COPS2: variants seen among roughly 807,000 people sequenced by gnomAD.
The protein encoded by COPS2 is COP9 signalosome subunit 2, also known as COP9 signalosome complex subunit 2.
Under a neutral mutation model 66.1 loss-of-function variants are expected in COPS2, and 10 were observed. The ratio of observed to expected loss-of-function variants is 0.15; its 90% CI spans 0.09 to 0.26. The LOEUF is 0.26. Among genes scored for constraint, COPS2 ranks in the 10% least tolerant of loss-of-function variants. The pLI is 1.00. For missense variants in COPS2, 215 were observed against 513.3 expected, an observed-to-expected ratio of 0.42 and a Z score of 5.62; for synonymous variants, 179 against 171.3, an observed-to-expected ratio of 1.04 and a Z score of -0.35.
chr15:49,149,047 C>T lies in COPS2; in HGVS notation c.55-3969G>A, dbSNP rs188904015. On this transcript the variant is annotated intron_variant, in intron 1 of 12. Coordinates refer to ENST00000388901, the MANE Select transcript of COPS2 (RefSeq NM_004236.4). ...AATTTTAATTAGTATATAAAGAATG[C>T]TTTAAAAACAAATGAAGAGGTTAAG... Among the ~76,000 whole-genome samples the T allele has an allele frequency of 2.3e-3, 347 of 152,090 alleles. 2 individuals carry two copies. The highest frequency in any genetic ancestry group is 3.1e-3 in the Non-Finnish European group (213 of 67,974).
chr15:49,136,908 CAGCCCAGGAGGTAAAGGTTGCAGTG>C (rs1215172668), intron 6 of COPS2, among the ~76,000 whole-genome samples: 1 of 151,830 alleles, frequency 6.6e-6, no homozygotes, highest in Non-Finnish European at 1.5e-5. Context: ...AAGACTGCTT[CAGCCCAGGAGGTAAAGGTTGCAGTG>C]AGCCAAGATC....
chr15:49,137,034 A>T, intron 6 of COPS2, 116 bp downstream of exon 6: 1 of 676,596 alleles, frequency 1.5e-6, no homozygotes, highest in Non-Finnish European at 2.4e-6. Context: ...TCTAAATTTT[A>T]TTTTTCAGAT....
rs375715723 is a variant in COPS2 at position 49,126,794 on chromosome 15, A to T, written c.*1156T>A. 2.0e-5 allele frequency: 3 copies of T among 152,138 alleles called. No individual in the cohort carries two copies. In the South Asian group the frequency reaches 6.2e-4, roughly 31 times the overall value. The allele number at this position is 152,138 out of a possible 1,614,324, so 9.4% of individuals were successfully genotyped here. On this transcript the variant is annotated 3_prime_UTR_variant, in exon 13 of 13. Transcript: ENST00000388901. ...CTGCATTACCTCAAAGTTAGGTGGAAGTTTTGGAAACTTTCATTTGGTGCC... is the reference window on the plus strand; with the variant it reads ...CTGCATTACCTCAAAGTTAGGTGGATGTTTTGGAAACTTTCATTTGGTGCC...
In COPS2 at chr15:49,148,202, G is replaced by A. The variant is rs531014059; in HGVS notation, c.55-3124C>T. On this transcript the variant is annotated intron_variant, in intron 1 of 12. Coordinates refer to ENST00000388901, the MANE Select transcript of COPS2 (RefSeq NM_004236.4). ...AAATCATGATCTTTAATATATGCCA[G>A]CAATTAATTATTGCTCACAGAAATC... 1.2e-4 allele frequency among the ~76,000 whole-genome samples: 18 copies of A among 152,272 alleles called. No individual in the cohort carries two copies. The East Asian group carries it at 3.5e-3, about 29-fold the overall frequency.
Position 49,155,535 on chromosome 15 carries a change from T to A in COPS2, c.44A>T (p.Asp15Val), listed in dbSNP as rs1243867053. The A allele has an allele frequency of 6.2e-7, 1 of 1,614,080 alleles. No individual in the cohort carries two copies. Among genetic ancestry groups the A allele is most frequent in the Non-Finnish European group, 8.5e-7 (1 of 1,179,974 alleles). The change falls in exon 1 of 13, where the codon GAC becomes GTC. Residue 15 changes from aspartate to valine, a missense_variant. By Grantham distance (152) the Asp-to-Val change is radical. Coordinates refer to ENST00000388901, the MANE Select transcript of COPS2 (RefSeq NM_004236.4). ...EDDFMCDDEE[D>V]YDLEYSEDSN... Reference sequence around the variant, plus strand: ...TTCCCTGCGCCTCACCAGGTCGTAGTCCTCCTCATCATCGCACATGAAATC... The same window carrying A: ...TTCCCTGCGCCTCACCAGGTCGTAGACCTCCTCATCATCGCACATGAAATC...
intron 2 of COPS2, among the ~76,000 whole-genome samples, 181 bp from the exon 3 acceptor site, chr15:49,144,485 A>G (rs76262696): frequency 2.8e-4 from 42 of 152,336 alleles, no homozygotes; most frequent in African/African-American, 6.3e-4. Context: ...TAAGATGCCT[A>G]CATAAGGATA....
intron 1 of COPS2, among the ~76,000 whole-genome samples, chr15:49,150,277 A>AAAT (rs1566886738): frequency 2.8e-4 from 43 of 150,998 alleles, no homozygotes; most frequent in African/African-American, 8.5e-4. Flanking sequence ...TAAAAATAAA[A>AAAT]AAATAAATAA....
chr15:49,139,341 T>C (rs956758878), intron 4 of COPS2, 187 bp downstream of exon 4: 3 of 496,948 alleles, frequency 6.0e-6, no homozygotes, highest in African/African-American at 4.0e-5. Flanking sequence ...GCTGGAGTTA[T>C]TACCTTTTAC....
Position 49,126,397 on chromosome 15 carries a change from T to G in COPS2, c.*1553A>C, listed in dbSNP as rs1438306005. 6.6e-6 allele frequency: 1 copy of G among 152,400 alleles called. No homozygotes were observed. 9.4% of individuals were successfully genotyped at this position (152,400 alleles called of 1,614,324 possible). On this transcript the variant is annotated 3_prime_UTR_variant, in exon 13 of 13. Coordinates refer to ENST00000388901, the MANE Select transcript of COPS2 (RefSeq NM_004236.4). ...TTTGACAAAACCGAATAAGCATGCC[T>G]TGTTTTAAGTCCATGCTCCTTCCAC... is the stretch of plus-strand genomic sequence containing the variant.
intron 9 of COPS2, among the ~76,000 whole-genome samples, chr15:49,132,825 C>T (rs938290637): frequency 5.9e-5 from 9 of 151,962 alleles, no homozygotes; most frequent in African/African-American, 2.2e-4. Flanking sequence ...TTGGTCTTAT[C>T]TTCCATAATT....
Position 49,133,789 on chromosome 15 carries a change from G to T in COPS2, c.917C>A (p.Pro306Gln). The T allele has an allele frequency of 6.2e-7, 1 of 1,601,184 alleles. No homozygotes were observed. The highest frequency in any genetic ancestry group is 1.3e-5 in the African/African-American group (1 of 74,202). ...SQEAKPYKNDPEILAMTNLVS... is the reference protein window; with the variant it reads ...SQEAKPYKNDQEILAMTNLVS... ...TAAATTCGTCATTGCTAAAATTTCT[G>T]GATCATTTTTGTACGGCTTGGCCTA... The change falls in exon 9 of 13, where the codon CCA becomes CAA. Residue 306 changes from proline to glutamine, a missense_variant. Physicochemically the swap from Pro to Gln is moderately conservative, Grantham distance 76. This residue lies in a region of COPS2 where 56 missense variants were observed against 173.6 expected (regional missense o/e 0.32). Coordinates refer to ENST00000388901, the MANE Select transcript of COPS2 (RefSeq NM_004236.4).
rs1406772907 is a variant in COPS2 at position 49,125,001 on chromosome 15, T to G, written c.*2949A>C. On this transcript the variant is annotated 3_prime_UTR_variant, in exon 13 of 13. Transcript: ENST00000388901. ...TTACTGAAGAACTGTAACTATTGAT[T>G]AAAAAAGAAAATTTCCCACAAAATT... 1 of 152,098 alleles carries G rather than the reference T, an allele frequency of 6.6e-6. No homozygotes were observed. Among genetic ancestry groups the G allele is most frequent in the Non-Finnish European group, 1.5e-5 (1 of 67,988 alleles). 9.4% of individuals were successfully genotyped at this position (152,098 alleles called of 1,614,324 possible). A position where few individuals can be genotyped will look rare whatever the true frequency, so the allele number is the denominator to read the frequency against.
At chr15:49,146,149 A>T (rs1595825199) in intron 1 of COPS2, among the ~76,000 whole-genome samples, 1 of 152,290 alleles carries the variant, frequency 6.6e-6, no homozygotes, top group African/African-American at 2.4e-5. Flanking sequence ...AAAATACATT[A>T]ACACAAGATG....
At chr15:49,140,160 A>ATT (rs879828608) in intron 3 of COPS2, among the ~76,000 whole-genome samples, 18 of 138,668 alleles carry the variant, frequency 1.3e-4, no homozygotes, top group African/African-American at 4.0e-4. Flanking sequence ...CTAATTTTGT[A>ATT]TTTTTTTTTT....
At chr15:49,135,623 T>A (rs946142920) in intron 6 of COPS2, among the ~76,000 whole-genome samples, 1 of 152,140 alleles carries the variant, frequency 6.6e-6, no homozygotes, top group African/African-American at 2.4e-5. Context: ...ATGTGGGCCA[T>A]GAAAAATAGC....
intron 3 of COPS2, among the ~76,000 whole-genome samples, chr15:49,142,047 T>C (rs77330379): frequency 3.3e-5 from 5 of 152,218 alleles, no homozygotes; most frequent in African/African-American, 9.6e-5. Flanking sequence ...CTTGAAACAC[T>C]TGGTGCTTCT....
chr15:49,123,650 C>T lies in COPS2; in HGVS notation c.*4300G>A, dbSNP rs181474156. The T allele has an allele frequency of 5.1e-3, 769 of 152,198 alleles. 12 individuals are homozygous for T. The highest frequency in any genetic ancestry group is 0.018 in the African/African-American group (727 of 41,528). 9.4% of individuals were successfully genotyped at this position (152,198 alleles called of 1,614,324 possible). A position where few individuals can be genotyped will look rare whatever the true frequency, so the allele number is the denominator to read the frequency against. ...TGCCAACACGGAACAAAGTTGCCCC[C>T]GAATAGTAAGTACTTAAGAAATAAT... On this transcript the variant is annotated 3_prime_UTR_variant, in exon 13 of 13. Transcript: ENST00000388901.
Position 49,144,233 on chromosome 15 carries a change from G to A in COPS2, c.240C>T (p.Phe80=), listed in dbSNP as rs2084307287. The A allele has an allele frequency of 7.5e-6, 12 of 1,601,596 alleles. No homozygotes were observed. The highest frequency in any genetic ancestry group is 1.0e-5 in the Non-Finnish European group (12 of 1,169,940). ...KALKQMIKIN[F]KLTNFPEMMN... ...CCCTCAAAACAAATCTTACCAACTT[G>A]AAGTTAATCTTAATCATTTGTTTCA... Residue 80 remains phenylalanine (F), a synonymous_variant, in exon 3 of 13, where the codon TTC becomes TTT. Transcript: ENST00000388901.
Position 49,126,128 on chromosome 15 carries a change from T to C in COPS2, c.*1822A>G, listed in dbSNP as rs955840653. 6.6e-6 allele frequency: 1 copy of C among 152,446 alleles called. No individual in the cohort carries two copies. The highest frequency in any genetic ancestry group is 1.5e-5 in the Non-Finnish European group (1 of 67,912). 9.4% of individuals were successfully genotyped at this position (152,446 alleles called of 1,614,324 possible). On this transcript the variant is annotated 3_prime_UTR_variant, in exon 13 of 13. Coordinates refer to ENST00000388901, the MANE Select transcript of COPS2 (RefSeq NM_004236.4). ...ATTAATATCACTCTTGTAAAAAAAGTTTAGCACACTTTTCACAAATGATTT... is the reference window on the plus strand; with the variant it reads ...ATTAATATCACTCTTGTAAAAAAAGCTTAGCACACTTTTCACAAATGATTT...
Sources: allele counts gnomAD v4.1 joint callset (sites outside exome capture counted in the v4.1 genomes callset), GRCh38; gene constraint gnomAD v4.1.1; regional missense constraint gnomAD v4.1.1; transcripts MANE v1.5; gene names NCBI Gene and HGNC (gene_info 2026-07-23, HGNC 2026-07-21).